The following SEPTIN9 variants were observed in gnomAD, a reference collection of about 807,000 sequenced individuals.
SEPTIN9 encodes the protein septin 9, also known as septin-9.
Under a neutral mutation model 56.6 loss-of-function variants are expected in SEPTIN9, and 13 were observed. The ratio of observed to expected loss-of-function variants is 0.23; its 90% CI spans 0.15 to 0.37. The LOEUF (loss-of-function observed/expected upper bound fraction) is 0.37, where lower values mean the gene tolerates loss of function less well. Among genes scored for constraint, SEPTIN9 ranks in the 10% least tolerant of loss-of-function variants. The pLI is 1.00. For synonymous variants in SEPTIN9, 332 were observed against 334.1 expected (o/e 0.99, Z 0.07); for missense variants, 650 against 823.1 (o/e 0.79, Z 2.57).
intron 3 of SEPTIN9, among the ~76,000 whole-genome samples, chr17:77,473,255 C>T (rs1598429814): frequency 6.6e-6 from 1 of 152,228 alleles, no homozygotes; most frequent in African/African-American, 2.4e-5. Flanking sequence ...AACCTGCTCT[C>T]CCTCTTCTCT....
At position 77,373,567 on chromosome 17, in the gene SEPTIN9, G is replaced by C. The variant is rs1182505118; in HGVS notation, c.77-28492G>C. 5 of 1,544,282 alleles carry C rather than the reference G, an allele frequency of 3.2e-6. No individual in the cohort carries two copies. The African/African-American group carries it at 7.0e-5, about 21-fold the overall frequency. ...GGACTTCGAAGGTGGGTGCTGGGCT[G>C]GCTGCTGCGGCCGCGGACGTGCTGG... is the stretch of plus-strand genomic sequence containing the variant. On this transcript the variant is annotated intron_variant, in intron 2 of 11. Coordinates refer to ENST00000427177, the MANE Select transcript of SEPTIN9 (RefSeq NM_001113491.2).
At chr17:77,344,983 A>G (rs888213656) in intron 2 of SEPTIN9, among the ~76,000 whole-genome samples, 1 of 150,670 alleles carries the variant, frequency 6.6e-6, no homozygotes, top group Non-Finnish European at 1.5e-5. Flanking sequence ...AAAAAAAAAA[A>G]AAAAAAAAAA....
At position 77,319,084 on chromosome 17, in the gene SEPTIN9, T is replaced by G. The variant is rs1220521529; in HGVS notation, c.76+11887T>G. Among the ~76,000 whole-genome samples, 2 of 152,216 alleles carry G rather than the reference T, an allele frequency of 1.3e-5. No individual in the cohort carries two copies. The highest frequency in any genetic ancestry group is 2.4e-5 in the African/African-American group (1 of 41,456). ...GACAGTCTGGAGTTTTCAGAGAGAT[T>G]GCCTGAGTTCTCAGCCTTGGCACAA... On this transcript the variant is annotated intron_variant, in intron 2 of 11. Transcript: ENST00000427177. The surrounding 1 kb of genome is among the most constrained non-coding windows in gnomAD (Gnocchi z 5.3).
intron 2 of SEPTIN9, among the ~76,000 whole-genome samples, chr17:77,350,849 C>T (rs387601): frequency 0.36 from 54,041 of 152,004 alleles, 10,226 homozygotes; most frequent in East Asian, 0.75. Context: ...TCCAGACAGA[C>T]CTTTTATCAA....
intron 3 of SEPTIN9, chr17:77,469,671 A>G (rs1160200014): frequency 6.6e-6 from 1 of 152,218 alleles, no homozygotes; most frequent in Non-Finnish European, 1.5e-5. Flanking sequence ...GTCCATGCAC[A>G]CTGCTTTTTC....
In SEPTIN9 at chr17:77,421,861, T is replaced by A. The variant is rs535410936; in HGVS notation, c.721+19158T>A. 2.2e-4 allele frequency among the ~76,000 whole-genome samples: 33 copies of A among 150,610 alleles called. No individual in the cohort carries two copies. The highest frequency in any genetic ancestry group is 7.8e-4 in the African/African-American group (32 of 41,028). ...TGCTAAGCTCCATGGAGTGTAGGGA[T>A]TTTTTTTGAGACGGTCTCTCTCTGT... On this transcript the variant is annotated intron_variant, in intron 3 of 11. Transcript: ENST00000427177. The surrounding 1 kb of genome is among the most constrained non-coding windows in gnomAD (Gnocchi z 4.6).
chr17:77,414,183 A>G (rs1384737377), intron 3 of SEPTIN9, among the ~76,000 whole-genome samples: 4 of 152,026 alleles, frequency 2.6e-5, no homozygotes, highest in Admixed American at 6.5e-5. Flanking sequence ...GGTTCAACCA[A>G]TTCTCCTGCC....
At chr17:77,381,309 G>A (rs1713258196) in intron 2 of SEPTIN9, among the ~76,000 whole-genome samples, 1 of 152,216 alleles carries the variant, frequency 6.6e-6, no homozygotes, top group African/African-American at 2.4e-5. Flanking sequence ...CCCCCAGGCA[G>A]GGCCCTGAAA....
rs571442493 is a variant in SEPTIN9, at chr17:77,318,993, C to T, written c.76+11796C>T. 1.3e-5 allele frequency among the ~76,000 whole-genome samples: 2 copies of T among 152,318 alleles called. No homozygotes were observed. Among genetic ancestry groups the T allele is most frequent in the Non-Finnish European group, 2.9e-5 (2 of 68,030 alleles). On this transcript the variant is annotated intron_variant, in intron 2 of 11. Transcript: ENST00000427177. This position sits in a 1 kb window ranked among gnomAD's most constrained non-coding sequence, Gnocchi z 4.9. ...AAGAGCAGAACTGTCTTATACCAGC[C>T]CTGTGCGGCCAGGCAGGAAGGCTTC...
At chr17:77,484,191 G>A (rs365930) in intron 4 of SEPTIN9, 5 of 151,236 alleles carry the variant, frequency 3.3e-5, no homozygotes, top group African/African-American at 1.2e-4. Flanking sequence ...GTGGTGATGA[G>A]GATGATGGGG....
chr17:77,351,793 C>T (rs893849597), intron 2 of SEPTIN9, among the ~76,000 whole-genome samples: 15 of 152,214 alleles, frequency 9.9e-5, no homozygotes, highest in African/African-American at 2.9e-4. Context: ...CCCAGAGCCC[C>T]GGCATCAGAT....
chr17:77,356,854 G>C (rs1269297001), intron 2 of SEPTIN9, among the ~76,000 whole-genome samples: 1 of 149,052 alleles, frequency 6.7e-6, no homozygotes, highest in Non-Finnish European at 1.5e-5. Flanking sequence ...CCTAGGAAAA[G>C]GCTCATGCAG....
intron 3 of SEPTIN9, among the ~76,000 whole-genome samples, chr17:77,441,122 G>C (rs2037532552): frequency 6.6e-6 from 1 of 152,192 alleles, no homozygotes. Context: ...GAATGGAGCT[G>C]GCCTCCATTC....
At chr17:77,480,119 C>T (rs939868662) in intron 3 of SEPTIN9, among the ~76,000 whole-genome samples, 1 of 152,150 alleles carries the variant, frequency 6.6e-6, no homozygotes, top group East Asian at 1.9e-4. Flanking sequence ...CCTCCAGGTC[C>T]GCCTGTGGGT....
intron 2 of SEPTIN9, among the ~76,000 whole-genome samples, chr17:77,363,717 C>T (rs149128341): frequency 6.6e-5 from 10 of 152,180 alleles, no homozygotes; most frequent in African/African-American, 1.9e-4. Flanking sequence ...CCCTGGCCCT[C>T]AGTGTTTCTG....
At position 77,499,873 on chromosome 17, in the gene SEPTIN9, C is replaced by A. The variant is rs1158501991; in HGVS notation, c.*1215C>A. On this transcript the variant is annotated 3_prime_UTR_variant, in exon 12 of 12. Transcript: ENST00000427177. ...TCCCCTCAGAGCCCATGGTAACGAA[C>A]CCCTAGAAAGGAGAGAACGGGCGTC... 1.0e-5 allele frequency: 3 copies of A among 289,464 alleles called. No individual in the cohort carries two copies. Among genetic ancestry groups the A allele is most frequent in the African/African-American group, 2.1e-5 (1 of 47,014 alleles). 17.9% of individuals were successfully genotyped at this position (289,464 alleles called of 1,614,324 possible). A position where few individuals can be genotyped will look rare whatever the true frequency, so the allele number is the denominator to read the frequency against.
At chr17:77,296,801 T>C (rs1221085819) in intron 1 of SEPTIN9, among the ~76,000 whole-genome samples, 2 of 151,918 alleles carry the variant, frequency 1.3e-5, no homozygotes, top group African/African-American at 4.8e-5. Flanking sequence ...TGCAGTGAGC[T>C]GAGATCACGC....
rs1008062708 is a variant in SEPTIN9 at position 77,323,181 on chromosome 17, C to T, written c.76+15984C>T. Reference sequence around the variant, plus strand: ...ACGGGGGCCTGGGTACTCTCCCGCCCTCCCTGGGGGCTGTGGCCTTCCCCT... The same window carrying T: ...ACGGGGGCCTGGGTACTCTCCCGCCTTCCCTGGGGGCTGTGGCCTTCCCCT... On this transcript the variant is annotated intron_variant, in intron 2 of 11. Transcript: ENST00000427177. This position sits in a 1 kb window ranked among gnomAD's most constrained non-coding sequence, Gnocchi z 6.8. 2.0e-5 allele frequency among the ~76,000 whole-genome samples: 3 copies of T among 152,114 alleles called. No homozygotes were observed. The highest frequency in any genetic ancestry group is 2.9e-5 in the Non-Finnish European group (2 of 68,016).
At chr17:77,324,027 G>T (rs1005157374) in intron 2 of SEPTIN9, among the ~76,000 whole-genome samples, 3 of 152,244 alleles carry the variant, frequency 2.0e-5, no homozygotes, top group African/African-American at 7.2e-5. Context: ...CCGAGGGGGA[G>T]CCTGCTTCTC....
Sources: allele counts gnomAD v4.1 joint callset (sites outside exome capture counted in the v4.1 genomes callset), GRCh38; gene constraint gnomAD v4.1.1; non-coding constraint Gnocchi (gnomAD v3.1); transcripts MANE v1.5; gene names NCBI Gene and HGNC (gene_info 2026-07-23, HGNC 2026-07-21).